UMAD1: variants seen among roughly 807,000 people sequenced by gnomAD.
The protein encoded by UMAD1 is UBAP1-MVB12-associated (UMA)-domain containing protein 1.
A neutral mutation model predicts 6.1 loss-of-function variants in UMAD1; 8 were observed. That is an observed-to-expected ratio of 1.30 (90% CI 0.76 to 2.35). The LOEUF is 2.35. Among genes scored for constraint, UMAD1 ranks in the 30% most tolerant of loss-of-function variants. The probability of loss-of-function intolerance (pLI) is 0.00; values close to 1 mark genes in which losing one functional copy is unlikely to be tolerated. For synonymous variants in UMAD1, 56 were observed against 31.4 expected, an observed-to-expected ratio of 1.78 and a Z score of -2.61; for missense variants, 130 against 78.4, an observed-to-expected ratio of 1.66 and a Z score of -2.49.
intron 1 of UMAD1, among the ~76,000 whole-genome samples, chr7:7,653,962 C>G (rs1218455813): frequency 3.3e-5 from 5 of 152,168 alleles, no homozygotes. Flanking sequence ...ATTGAGAAAC[C>G]TTGGTCCAAT....
chr7:7,775,971 G>A (rs73051931), intron 2 of UMAD1, among the ~76,000 whole-genome samples: 9,911 of 152,188 alleles, frequency 0.065, 444 homozygotes, highest in Non-Finnish European at 0.093. Flanking sequence ...GTGATGGATC[G>A]TTATGTAGGT....
At chr7:7,849,062 C>G (rs1029506996) in intron 3 of UMAD1, among the ~76,000 whole-genome samples, 1 of 152,092 alleles carries the variant, frequency 6.6e-6, no homozygotes, top group Non-Finnish European at 1.5e-5. Context: ...GTATGATGGA[C>G]TTGATGGACA....
intron 2 of UMAD1, among the ~76,000 whole-genome samples, chr7:7,774,998 G>A (rs1782173548): frequency 6.6e-6 from 1 of 151,984 alleles, no homozygotes; most frequent in Non-Finnish European, 1.5e-5. Context: ...TCTTTCTCTT[G>A]TTCTTTTAAT....
At chr7:7,673,185 A>C (rs1433977054) in intron 1 of UMAD1, 124 bp from the exon 2 acceptor site, 2 of 718,880 alleles carry the variant, frequency 2.8e-6, no homozygotes, top group Non-Finnish European at 4.9e-6. Context: ...TCATGGTTTT[A>C]CATGTGGCCA....
intron 2 of UMAD1, among the ~76,000 whole-genome samples, chr7:7,699,081 T>TG (rs1194239073): frequency 6.6e-6 from 1 of 151,768 alleles, no homozygotes; most frequent in Non-Finnish European, 1.5e-5. Context: ...TTTGCTATGT[T>TG]GCCCAGGCTG....
intron 2 of UMAD1, among the ~76,000 whole-genome samples, chr7:7,687,888 A>T (rs149528167): frequency 2.0e-5 from 3 of 152,338 alleles, no homozygotes; most frequent in African/African-American, 7.2e-5. Context: ...GGAACGACTT[A>T]TTTTTATTTC....
intron 3 of UMAD1, among the ~76,000 whole-genome samples, chr7:7,812,898 T>C (rs767908324): frequency 1.9e-4 from 29 of 151,964 alleles, no homozygotes; most frequent in Non-Finnish European, 3.5e-4. Flanking sequence ...TTCTTGAGAC[T>C]ATATAGAGAG....
intron 2 of UMAD1, among the ~76,000 whole-genome samples, chr7:7,730,845 G>C (rs1781233721): frequency 6.6e-6 from 1 of 152,140 alleles, no homozygotes; most frequent in Admixed American, 6.5e-5. Context: ...TTTAATAGAT[G>C]GTTGGGGCTG....
intron 2 of UMAD1, among the ~76,000 whole-genome samples, chr7:7,726,468 GACA>G (rs1781139447): frequency 6.6e-6 from 1 of 152,212 alleles, no homozygotes; most frequent in African/African-American, 2.4e-5. Context: ...CCAATTAGGT[GACA>G]ACACTTTACA....
At chr7:7,782,096 C>G (rs1215534852) in intron 2 of UMAD1, among the ~76,000 whole-genome samples, 1 of 152,030 alleles carries the variant, frequency 6.6e-6, no homozygotes. Context: ...TTATACTACT[C>G]TATACTTTTT....
chr7:7,774,752 C>T (rs974922220), intron 2 of UMAD1, among the ~76,000 whole-genome samples: 2 of 152,192 alleles, frequency 1.3e-5, no homozygotes, highest in African/African-American at 4.8e-5. Context: ...CTCTTGTCAT[C>T]CTTCTCAAGC....
intron 2 of UMAD1, among the ~76,000 whole-genome samples, chr7:7,688,922 G>A (rs916329367): frequency 3.9e-5 from 6 of 152,126 alleles, no homozygotes; most frequent in Non-Finnish European, 5.9e-5. Context: ...ATGAAAATAA[G>A]TCTTTGTTAA....
chr7:7,852,265 C>T (rs1013917777), intron 3 of UMAD1, among the ~76,000 whole-genome samples: 1 of 152,194 alleles, frequency 6.6e-6, no homozygotes, highest in Admixed American at 6.5e-5. Flanking sequence ...GCAGCCAACA[C>T]AGAAGATTTC....
intron 2 of UMAD1, among the ~76,000 whole-genome samples, chr7:7,793,952 T>A (rs368984783): frequency 3.3e-5 from 5 of 151,854 alleles, no homozygotes; most frequent in South Asian, 2.1e-4. Flanking sequence ...CGAAAAAAAA[T>A]TTTTTTTTAA....
chr7:7,643,003 C>CATAGTGATCTAT (rs1484535529), intron 1 of UMAD1, among the ~76,000 whole-genome samples: 5 of 152,060 alleles, frequency 3.3e-5, no homozygotes, highest in African/African-American at 1.2e-4. Context: ...GACGAATGTA[C>CATAGTGATCTAT]GTAGATCATA....
At chr7:7,777,434 A>G (rs1306440556) in intron 2 of UMAD1, among the ~76,000 whole-genome samples, 1 of 145,852 alleles carries the variant, frequency 6.9e-6, no homozygotes, top group African/African-American at 2.5e-5. Flanking sequence ...TGAACCCGGG[A>G]GGTGGTGGTT....
chr7:7,732,752 C>T (rs1781281301), intron 2 of UMAD1, among the ~76,000 whole-genome samples: 1 of 152,146 alleles, frequency 6.6e-6, no homozygotes, highest in South Asian at 2.1e-4. Flanking sequence ...AAATATAGTT[C>T]AGTGGGATAG....
chr7:7,829,845 A>T (rs1325730553), intron 3 of UMAD1, among the ~76,000 whole-genome samples: 1 of 152,176 alleles, frequency 6.6e-6, no homozygotes. Context: ...GGCACCCTCA[A>T]GTCATGTGTG....
At chr7:7,771,440 G>A (rs1782099446) in intron 2 of UMAD1, among the ~76,000 whole-genome samples, 1 of 152,158 alleles carries the variant, frequency 6.6e-6, no homozygotes, top group South Asian at 2.1e-4. Context: ...GTTATTTTCA[G>A]TATAAACCTC....
Sources: gnomAD v4.1 joint callset for allele counts (sites outside exome capture counted in the v4.1 genomes callset) on GRCh38, gnomAD v4.1.1 for gene constraint, MANE v1.5 for transcripts, NCBI Gene and HGNC (gene_info 2026-07-23, HGNC 2026-07-21) for gene names.